The following CACNB4 variants were observed in gnomAD, a reference collection of about 807,000 sequenced individuals.
CACNB4 encodes the protein calcium voltage-gated channel auxiliary subunit beta 4, also known as voltage-dependent L-type calcium channel subunit beta-4.
A neutral mutation model predicts 71.2 loss-of-function variants in CACNB4; 32 were observed. That is an observed-to-expected ratio of 0.45 (90% confidence interval 0.34 to 0.60). CACNB4 has a LOEUF of 0.60. Ranked by LOEUF, CACNB4 falls within the 20% of genes least tolerant of loss-of-function variation. CACNB4 has a pLI of 0.01. For missense variants in CACNB4, 464 were observed against 647.9 expected, an observed-to-expected ratio of 0.72 and a Z score of 3.08; for synonymous variants, 231 against 236.9, an observed-to-expected ratio of 0.97 and a Z score of 0.23.
At chr2:151,953,490 A>G (rs778105031) in intron 2 of CACNB4, among the ~76,000 whole-genome samples, 1 of 152,222 alleles carries the variant, frequency 6.6e-6, no homozygotes, top group Non-Finnish European at 1.5e-5. Flanking sequence ...CCCTGGACGA[A>G]TCATATGACT....
At chr2:152,052,136 C>A (rs1012330202) in intron 2 of CACNB4, among the ~76,000 whole-genome samples, 2 of 152,202 alleles carry the variant, frequency 1.3e-5, no homozygotes, top group Non-Finnish European at 2.9e-5. Context: ...GCCTACTGAA[C>A]ATCATAGCTT....
intron 2 of CACNB4, chr2:151,967,574 T>G (rs2099871484): frequency 6.6e-6 from 1 of 152,102 alleles, no homozygotes; most frequent in African/African-American, 2.4e-5. Context: ...AGTAATAACG[T>G]AGAAGGTCAG....
intron 3 of CACNB4, among the ~76,000 whole-genome samples, chr2:151,881,397 G>C (rs937207653): frequency 6.6e-6 from 1 of 152,166 alleles, no homozygotes; most frequent in Non-Finnish European, 1.5e-5. Context: ...AGAATATCTG[G>C]TCCTGCCGGG....
chr2:151,997,800 T>C (rs1178212721), intron 2 of CACNB4, among the ~76,000 whole-genome samples: 2 of 152,226 alleles, frequency 1.3e-5, no homozygotes, highest in Non-Finnish European at 2.9e-5. Flanking sequence ...GGCTTTGTAG[T>C]ACTTTGTTGC....
At chr2:152,076,342 T>C (rs1444241072) in intron 2 of CACNB4, among the ~76,000 whole-genome samples, 1 of 150,746 alleles carries the variant, frequency 6.6e-6, no homozygotes, top group African/African-American at 2.4e-5. Flanking sequence ...TTTGTATTTT[T>C]TTGTAGAGAT....
intron 10 of CACNB4, chr2:151,857,555 T>C (rs1210086121): frequency 6.6e-6 from 1 of 152,248 alleles, no homozygotes; most frequent in African/African-American, 2.4e-5. Flanking sequence ...CAATTTTTAC[T>C]GTAGTAAATT....
chr2:151,950,268 T>A (rs963630307), intron 2 of CACNB4, among the ~76,000 whole-genome samples: 1 of 152,156 alleles, frequency 6.6e-6, no homozygotes, highest in African/African-American at 2.4e-5. Flanking sequence ...GGCATCCTAA[T>A]GTACATTTTT....
intron 2 of CACNB4, among the ~76,000 whole-genome samples, chr2:151,939,814 T>C (rs965893204): frequency 3.3e-5 from 5 of 152,108 alleles, no homozygotes; most frequent in Admixed American, 6.6e-5. Context: ...CACCCTGTTA[T>C]GAAAGTTCTT....
intron 2 of CACNB4, among the ~76,000 whole-genome samples, chr2:151,940,269 G>T (rs947751996): frequency 6.6e-6 from 1 of 152,150 alleles, no homozygotes; most frequent in Non-Finnish European, 1.5e-5. Flanking sequence ...AAACCAAACA[G>T]CATGACACAG....
intron 10 of CACNB4, chr2:151,859,128 T>C (rs1200433929): frequency 6.6e-6 from 1 of 152,232 alleles, no homozygotes; most frequent in African/African-American, 2.4e-5. Flanking sequence ...ATAAAATTAA[T>C]AGATTGCCAT....
intron 2 of CACNB4, among the ~76,000 whole-genome samples, chr2:151,958,643 T>C (rs550901448): frequency 6.6e-6 from 1 of 152,276 alleles, no homozygotes; most frequent in East Asian, 1.9e-4. Context: ...ACTTAAATAT[T>C]TTTTCAGTTC....
chr2:151,999,245 C>T (rs190325762), intron 2 of CACNB4, among the ~76,000 whole-genome samples: 70 of 152,238 alleles, frequency 4.6e-4, no homozygotes, highest in African/African-American at 1.6e-3. Flanking sequence ...AGTTCATGTC[C>T]GCCCCCTCTG....
intron 5 of CACNB4, among the ~76,000 whole-genome samples, chr2:151,874,747 A>G (rs2099845529): frequency 6.6e-6 from 1 of 152,238 alleles, no homozygotes; most frequent in Admixed American, 6.5e-5. Flanking sequence ...AACTTTCAAA[A>G]AAGTGTAACA....
chr2:151,837,975 C>A lies in CACNB4; in HGVS notation c.*1144G>T, dbSNP rs1368711256. The A allele has an allele frequency of 6.6e-6, 1 of 152,102 alleles. No homozygotes were observed. The highest frequency in any genetic ancestry group is 1.5e-5 in the Non-Finnish European group (1 of 68,000). 9.4% of individuals were successfully genotyped at this position (152,102 alleles called of 1,614,324 possible). ...TCCTGAATATCAAAGTTGAGTGTGT[C>A]CACATAAAACGAAATTCCTTAGCAT... On this transcript the variant is annotated 3_prime_UTR_variant, in exon 14 of 14. Transcript: ENST00000539935.
chr2:152,075,230 T>C (rs1409574875), intron 2 of CACNB4, among the ~76,000 whole-genome samples: 1 of 152,210 alleles, frequency 6.6e-6, no homozygotes, highest in Non-Finnish European at 1.5e-5. Context: ...CAGAAAGTGA[T>C]AGAACATGGA....
chr2:152,043,862 C>A (rs551465982), intron 2 of CACNB4, among the ~76,000 whole-genome samples: 1 of 152,132 alleles, frequency 6.6e-6, no homozygotes, highest in Non-Finnish European at 1.5e-5. Flanking sequence ...GAGAGGGCTT[C>A]TTTTCCAGGC....
chr2:151,885,141 C>T (rs1011997970), intron 2 of CACNB4, among the ~76,000 whole-genome samples: 6 of 152,170 alleles, frequency 3.9e-5, no homozygotes, highest in African/African-American at 1.4e-4. Context: ...GCGGTTTTAT[C>T]AGAGTGCCCA....
At chr2:151,997,451 G>A (rs765349703) in intron 2 of CACNB4, among the ~76,000 whole-genome samples, 18 of 151,968 alleles carry the variant, frequency 1.2e-4, no homozygotes, top group Non-Finnish European at 2.5e-4. Flanking sequence ...GGAGAATGGC[G>A]TGAACCCAGG....
intron 2 of CACNB4, among the ~76,000 whole-genome samples, chr2:152,065,868 A>G (rs1670516399): frequency 6.6e-6 from 1 of 152,186 alleles, no homozygotes; most frequent in African/African-American, 2.4e-5. Flanking sequence ...CAGACTCCCA[A>G]GTAGCTGGGA....
Sources: gnomAD v4.1 joint callset for allele counts (sites outside exome capture counted in the v4.1 genomes callset) on GRCh38, gnomAD v4.1.1 for gene constraint, MANE v1.5 for transcripts, NCBI Gene and HGNC (gene_info 2026-07-23, HGNC 2026-07-21) for gene names.